Variants in ALOX12B observed in about 807,000 individuals in gnomAD.
ALOX12B encodes the protein arachidonate 12-lipoxygenase, 12R-type.
Under a neutral mutation model 78.9 loss-of-function variants are expected in ALOX12B, and 47 were observed. The observed-to-expected ratio is 0.60, with a 90% CI of 0.47 to 0.76. The LOEUF (loss-of-function observed/expected upper bound fraction) is 0.76, where lower values mean the gene tolerates loss of function less well. Ranked by LOEUF, ALOX12B falls within the 30% of genes least tolerant of loss-of-function variation. The pLI is 0.00. For synonymous variants in ALOX12B, 370 were observed against 374.5 expected (o/e 0.99, Z 0.14); for missense variants, 805 against 922.6 (o/e 0.87, Z 1.65).
In ALOX12B at chr17:8,073,841, C is replaced by A; in HGVS notation, c.1655-84G>T. 3 of 1,126,712 alleles carry A rather than the reference C, an allele frequency of 2.7e-6. No individual in the cohort carries two copies. In the South Asian group the frequency reaches 3.9e-5, roughly 15 times the overall value. 69.8% of individuals were successfully genotyped at this position (1,126,712 alleles called of 1,614,324 possible). The stretch of plus-strand genomic sequence containing the variant: ...GCAGAGGGCGCCACCATGCCCCGCT[C>A]TCACCGTTTTGCAAAAGCTTCAAGC... On this transcript the variant is annotated intron_variant, in intron 12 of 14. Transcript: ENST00000647874.
At chr17:8,076,850 A>G in intron 9 of ALOX12B, 107 bp from the exon 10 acceptor site, 3 of 1,451,096 alleles carry the variant, frequency 2.1e-6, no homozygotes, top group Non-Finnish European at 2.8e-6. Flanking sequence ...GGAAGTCCCT[A>G]TGCCAAGCCC....
chr17:8,074,898 G>A (rs538277174), intron 12 of ALOX12B, among the ~76,000 whole-genome samples: 3 of 152,188 alleles, frequency 2.0e-5, no homozygotes, highest in Non-Finnish European at 4.4e-5. Context: ...GTCATCTCGA[G>A]GCTAACCTCT....
chr17:8,073,155 T>A lies in ALOX12B; in HGVS notation c.1919A>T (p.Asp640Val). ...LVLWTLSREP[D>V]DRRPLGHFPD... The stretch of plus-strand genomic sequence containing the variant: ...CCCCATCCCGTCTCGCACCCTGTCG[T>A]CAGGCTCTCGGCTGAGGGTCCAGAG... Residue 640 changes from aspartate (D) to valine (V), a missense_variant, in exon 14 of 15, where the codon GAC (aspartate) becomes GTC (valine). Physicochemically the swap from Asp to Val is radical, Grantham distance 152. Transcript: ENST00000647874. The A allele has an allele frequency of 6.2e-7, 1 of 1,614,134 alleles. No homozygotes were observed. The highest frequency in any genetic ancestry group is 8.5e-7 in the Non-Finnish European group (1 of 1,180,042).
At chr17:8,073,897 T>TGA in intron 12 of ALOX12B, 140 bp from the exon 13 acceptor site, 1 of 733,774 alleles carries the variant, frequency 1.4e-6, no homozygotes, top group South Asian at 1.5e-5. Flanking sequence ...CCTGCCTGCG[T>TGA]GACCCTCCTA....
chr17:8,083,455 G>T (rs575239494), intron 2 of ALOX12B, among the ~76,000 whole-genome samples: 1 of 152,314 alleles, frequency 6.6e-6, no homozygotes, highest in African/African-American at 2.4e-5. Context: ...TTCAGGCCAG[G>T]TGCGGTGGTT....
Position 8,079,935 on chromosome 17 carries a change from A to T in ALOX12B, c.761T>A (p.Val254Glu), listed in dbSNP as rs1433809908. The T allele has an allele frequency of 6.2e-7, 1 of 1,611,994 alleles. No homozygotes were observed. Among genetic ancestry groups the T allele is most frequent in the Admixed American group, 1.7e-5 (1 of 59,842 alleles). ...GGTGTCCTCTGCCCAGTGCTCGGCC[A>T]CGTACTCTGCGAGGACGGCGCGAGG... ...PGKKSVVSEY[V>E]AEHWAEDTFF... The change falls in exon 7 of 15, where the codon GTG becomes GAG. Residue 254 changes from valine to glutamate, a missense_variant. Physicochemically the swap from Val to Glu is moderately radical, Grantham distance 121. Coordinates refer to ENST00000647874, the MANE Select transcript of ALOX12B (RefSeq NM_001139.3). This position sits in a 1 kb window ranked among gnomAD's most constrained non-coding sequence, Gnocchi z 6.4.
rs1348985335 is a variant in ALOX12B at position 8,072,937 on chromosome 17, T to C, written c.1940A>G (p.His647Arg). The C allele has an allele frequency of 1.9e-6, 3 of 1,612,490 alleles. No individual in the cohort carries two copies. Among genetic ancestry groups the C allele is most frequent in the African/African-American group, 2.7e-5 (2 of 74,882 alleles). The part of the protein sequence containing the change: ...REPDDRRPLG[H>R]FPDIHFVEEA... ...CTCCACGAAGTGAATGTCCGGGAAG[T>C]GTCCCAGGGGCCGCTGCGGGCAGAG... Residue 647 changes from histidine (H) to arginine (R), a missense_variant, in exon 15 of 15, where the codon CAC becomes CGC. His to Arg is a conservative substitution (Grantham distance 29). Coordinates refer to ENST00000647874, the MANE Select transcript of ALOX12B (RefSeq NM_001139.3).
At chr17:8,086,278 C>T (rs1220028795) in intron 1 of ALOX12B, 58 bp from the exon 2 acceptor site, 3 of 1,563,668 alleles carry the variant, frequency 1.9e-6, no homozygotes, top group Non-Finnish European at 2.6e-6. Flanking sequence ...TCCCAGGCCG[C>T]CCACCCCTCT....
chr17:8,073,041 A>G (rs1598176914), intron 14 of ALOX12B, 91 bp from the exon 15 acceptor site: 3 of 1,598,864 alleles, frequency 1.9e-6, no homozygotes, highest in East Asian at 2.2e-5. Context: ...CTTTGGTTTC[A>G]GTGGCCTCTC....
In ALOX12B at chr17:8,077,183, G is replaced by A; in HGVS notation, c.1082C>T (p.Thr361Ile). The A allele has an allele frequency of 6.2e-7, 1 of 1,611,922 alleles. No homozygotes were observed. The highest frequency in any genetic ancestry group is 8.5e-7 in the Non-Finnish European group (1 of 1,179,164). Residue 361 changes from threonine (T) to isoleucine (I), a missense_variant, in exon 9 of 15, where the codon ACC becomes ATC. Physicochemically the swap from Thr to Ile is moderately conservative, Grantham distance 89. Transcript: ENST00000647874. ...GAAGATGGGGCAATCTGGCCCAGGG[G>A]TCTGGCTGAGCTAGGTGTGGTGAAA... ...MMPIAIQLSQ[T>I]PGPDCPIFLP...
At chr17:8,078,583 C>T (rs1977138402) in intron 8 of ALOX12B, among the ~76,000 whole-genome samples, 1 of 151,626 alleles carries the variant, frequency 6.6e-6, no homozygotes, top group African/African-American at 2.4e-5. Flanking sequence ...TGGAAGAAAG[C>T]GTAGCGCTCC....
rs765474214 is a variant in ALOX12B, at chr17:8,077,127, G to C, written c.1138C>G (p.Leu380Val). Reference sequence around the variant, plus strand: ...GCATAGCGTACCCACGTCTTGGCTAGCAGCCAGTCCCACTCAGAATCACTG... The same window carrying C: ...GCATAGCGTACCCACGTCTTGGCTACCAGCCAGTCCCACTCAGAATCACTG... ...LPSDSEWDWL[L>V]AKTWVRYAEF... Residue 380 changes from leucine (L) to valine (V), a missense_variant, in exon 9 of 15, where the codon CTA becomes GTA. Physicochemically the swap from Leu to Val is conservative, Grantham distance 32. Transcript: ENST00000647874. 1 of 1,612,044 alleles carries C rather than the reference G, an allele frequency of 6.2e-7. No individual in the cohort carries two copies. Among genetic ancestry groups the C allele is most frequent in the Non-Finnish European group, 8.5e-7 (1 of 1,179,720 alleles).
chr17:8,085,657 C>T (rs1378900783), intron 2 of ALOX12B, among the ~76,000 whole-genome samples: 1 of 152,152 alleles, frequency 6.6e-6, no homozygotes, highest in Non-Finnish European at 1.5e-5. Flanking sequence ...GAGTCCTGAG[C>T]CTGTACTTAG....
chr17:8,083,094 A>G (rs1395639176), intron 2 of ALOX12B, among the ~76,000 whole-genome samples: 1 of 152,166 alleles, frequency 6.6e-6, no homozygotes. Flanking sequence ...CATAGTTTTT[A>G]CTGGGAAGTG....
At chr17:8,081,489 A>G (rs1168881391) in intron 2 of ALOX12B, 1 of 458,948 alleles carries the variant, frequency 2.2e-6, no homozygotes, top group Non-Finnish European at 4.2e-6. Context: ...TACAAGAGCA[A>G]TGTTGTTACA....
In ALOX12B at chr17:8,080,091, T is replaced by C; in HGVS notation, c.754+144A>G. The C allele has an allele frequency of 6.8e-7, 1 of 1,474,654 alleles. No individual in the cohort carries two copies. Among genetic ancestry groups the C allele is most frequent in the Non-Finnish European group, 9.4e-7 (1 of 1,060,538 alleles). 91.3% of individuals were successfully genotyped at this position (1,474,654 alleles called of 1,614,324 possible). On this transcript the variant is annotated intron_variant, in intron 6 of 14. Transcript: ENST00000647874. The surrounding 1 kb of genome is among the most constrained non-coding windows in gnomAD (Gnocchi z 4.8). Reference sequence around the variant, plus strand: ...GCGCTGAGCGGCCGGAGGAGCCCGGTGCGACATTTTCCAAGAAGCCGCCAG... The same window carrying C: ...GCGCTGAGCGGCCGGAGGAGCCCGGCGCGACATTTTCCAAGAAGCCGCCAG...
chr17:8,075,177 T>A (rs1977055006), intron 12 of ALOX12B, among the ~76,000 whole-genome samples: 1 of 152,180 alleles, frequency 6.6e-6, no homozygotes, highest in African/African-American at 2.4e-5. Flanking sequence ...CACTGGATAT[T>A]TGTTGAGTGT....
chr17:8,087,556 GC>G lies in ALOX12B; in HGVS notation c.-115del, dbSNP rs1247008535. 6.4e-7 allele frequency: 1 copy of G among 1,552,208 alleles called. No homozygotes were observed. Among genetic ancestry groups the G allele is most frequent in the Non-Finnish European group, 8.8e-7 (1 of 1,138,738 alleles). On this transcript the variant is annotated 5_prime_UTR_variant, in exon 1 of 15. Coordinates refer to ENST00000647874, the MANE Select transcript of ALOX12B (RefSeq NM_001139.3). Reference sequence around the variant, plus strand: ...GCACAGAGTGGAGTGGACAGGGCTGGCCTCCGAGGTGCAGTGGTGAGGTGGC... The same window carrying G: ...GCACAGAGTGGAGTGGACAGGGCTGGCTCCGAGGTGCAGTGGTGAGGTGGC...
At chr17:8,087,147 C>A in intron 1 of ALOX12B, 149 bp downstream of exon 1, 1 of 1,207,936 alleles carries the variant, frequency 8.3e-7, no homozygotes, top group Non-Finnish European at 1.2e-6. Context: ...TCCAGCCTCT[C>A]CTCGCCAAGC....
Sources: gnomAD v4.1 joint callset for allele counts (sites outside exome capture counted in the v4.1 genomes callset) on GRCh38, gnomAD v4.1.1 for gene constraint, Gnocchi (gnomAD v3.1) non-coding constraint, MANE v1.5 for transcripts, NCBI Gene and HGNC (gene_info 2026-07-23, HGNC 2026-07-21) for gene names.